The following INPP5A variants were observed in gnomAD, a reference collection of about 807,000 sequenced individuals.
INPP5A encodes the protein 43 kDa inositol polyphosphate 5-phophatase.
INPP5A carries 14 observed loss-of-function variants against 65.2 expected under a neutral mutation model. That is an observed-to-expected ratio of 0.21 (90% CI 0.14 to 0.34). The LOEUF (loss-of-function observed/expected upper bound fraction) is 0.34, where lower values mean the gene tolerates loss of function less well. Among genes scored for constraint, INPP5A ranks in the 10% least tolerant of loss-of-function variants. The pLI is 1.00. For synonymous variants in INPP5A, 207 were observed against 208.3 expected (o/e 0.99, Z 0.05); for missense variants, 431 against 545.6 (o/e 0.79, Z 2.09).
intron 4 of INPP5A, among the ~76,000 whole-genome samples, chr10:132,683,954 G>T (rs1365243402): frequency 6.6e-6 from 1 of 152,158 alleles, no homozygotes; most frequent in Non-Finnish European, 1.5e-5. Flanking sequence ...ACCTCAAGTG[G>T]TCGACCCACC....
At chr10:132,752,121 G>T (rs1204846391) in intron 11 of INPP5A, among the ~76,000 whole-genome samples, 1 of 151,706 alleles carries the variant, frequency 6.6e-6, no homozygotes, top group Non-Finnish European at 1.5e-5. Context: ...GTGCCCAGGA[G>T]GCGTCTGGGT....
At chr10:132,638,011 T>C (rs964354310) in intron 2 of INPP5A, among the ~76,000 whole-genome samples, 1 of 152,184 alleles carries the variant, frequency 6.6e-6, no homozygotes, top group African/African-American at 2.4e-5. Flanking sequence ...GTGTTGGTAT[T>C]GCAAAGTCCA....
At chr10:132,607,829 C>T (rs756561534) in intron 1 of INPP5A, 86 bp from the exon 2 acceptor site, 132 of 1,329,808 alleles carry the variant, frequency 9.9e-5, no homozygotes, top group Non-Finnish European at 1.3e-4. Flanking sequence ...TCCTGCCCCA[C>T]GTTGTCTTCA....
At chr10:132,735,323 C>T (rs772642073) in intron 9 of INPP5A, among the ~76,000 whole-genome samples, 3 of 152,226 alleles carry the variant, frequency 2.0e-5, no homozygotes, top group East Asian at 3.8e-4. Context: ...AGTAAGCATA[C>T]GCGGTTCTGA....
At chr10:132,557,722 C>CTTAA (rs1564915208) in intron 1 of INPP5A, among the ~76,000 whole-genome samples, 3 of 152,112 alleles carry the variant, frequency 2.0e-5, no homozygotes, top group Non-Finnish European at 4.4e-5. Flanking sequence ...AAAAGGGGCC[C>CTTAA]GAGTGTCTCG....
rs1241519120 is a variant in INPP5A at position 132,720,565 on chromosome 10, T to A, written c.648-6256T>A. 4.6e-5 allele frequency among the ~76,000 whole-genome samples: 7 copies of A among 151,048 alleles called. No individual in the cohort carries two copies. The East Asian group carries it at 1.4e-3, about 30-fold the overall frequency. On this transcript the variant is annotated intron_variant, in intron 8 of 15. Transcript: ENST00000368594. ...CCTTAGACGACTGTCTTCAGGGTTCTGTGGTACCTCGGTTCTGTCTGGGCA... is the reference window on the plus strand; with the variant it reads ...CCTTAGACGACTGTCTTCAGGGTTCAGTGGTACCTCGGTTCTGTCTGGGCA...
intron 2 of INPP5A, among the ~76,000 whole-genome samples, chr10:132,624,924 C>T (rs1048054046): frequency 6.6e-6 from 1 of 152,096 alleles, no homozygotes; most frequent in African/African-American, 2.4e-5. Flanking sequence ...TGTGGCATCG[C>T]ACCTGTCAGC....
intron 5 of INPP5A, among the ~76,000 whole-genome samples, chr10:132,694,296 T>A (rs1845313245): frequency 6.6e-6 from 1 of 151,948 alleles, no homozygotes; most frequent in African/African-American, 2.4e-5. Context: ...CAAAGAAGTC[T>A]CAAGAGAAAT....
intron 4 of INPP5A, among the ~76,000 whole-genome samples, chr10:132,655,590 G>T (rs2072645387): frequency 6.6e-6 from 1 of 152,226 alleles, no homozygotes; most frequent in Admixed American, 6.5e-5. Context: ...TTCCAAGAGG[G>T]TTCTGTGAGG....
At chr10:132,724,658 CA>C (rs535369732) in intron 8 of INPP5A, among the ~76,000 whole-genome samples, 43 of 151,318 alleles carry the variant, frequency 2.8e-4, no homozygotes, top group South Asian at 6.3e-4. Context: ...CCAGAACTCA[CA>C]GGGAGGCCCC....
At chr10:132,690,887 C>T (rs1228645340) in intron 5 of INPP5A, among the ~76,000 whole-genome samples, 1 of 152,208 alleles carries the variant, frequency 6.6e-6, no homozygotes, top group African/African-American at 2.4e-5. Context: ...TCCGCTGACA[C>T]AAGCTGTCCC....
intron 2 of INPP5A, among the ~76,000 whole-genome samples, chr10:132,612,088 A>T (rs1225526822): frequency 1.0e-3 from 49 of 47,688 alleles, no homozygotes; most frequent in East Asian, 3.0e-3. Context: ...CAGAGAGGGG[A>T]GAGGGAAGTG....
chr10:132,598,731 G>A (rs1235170584), intron 1 of INPP5A, among the ~76,000 whole-genome samples: 2 of 152,172 alleles, frequency 1.3e-5, no homozygotes, highest in African/African-American at 4.8e-5. Context: ...TCATTTTCAT[G>A]CTGCTGATAA....
At position 132,676,172 on chromosome 10, in the gene INPP5A, A is replaced by G. The variant is rs1448697136; in HGVS notation, c.307-14220A>G. On this transcript the variant is annotated intron_variant, in intron 4 of 15. Transcript: ENST00000368594. The surrounding 1 kb of genome is among the most constrained non-coding windows in gnomAD (Gnocchi z 4.0). The stretch of plus-strand genomic sequence containing the variant: ...ATTATTGAAATTTTCAATTTGTGAA[A>G]TATTTATTATTCAAAAAATAGCATC... Among the ~76,000 whole-genome samples the G allele has an allele frequency of 6.6e-6, 1 of 152,236 alleles. No homozygotes were observed. Among genetic ancestry groups the G allele is most frequent in the Non-Finnish European group, 1.5e-5 (1 of 68,038 alleles).
intron 4 of INPP5A, among the ~76,000 whole-genome samples, chr10:132,653,230 G>A (rs1477498202): frequency 1.3e-5 from 2 of 152,170 alleles, no homozygotes; most frequent in Non-Finnish European, 2.9e-5. Flanking sequence ...TTTTCCACAT[G>A]AGGGCGAAAG....
Position 132,704,808 on chromosome 10 carries a change from G to A in INPP5A, c.475-3505G>A, listed in dbSNP as rs12414484. 6.6e-6 allele frequency among the ~76,000 whole-genome samples: 1 copy of A among 151,508 alleles called. No homozygotes were observed. Among genetic ancestry groups the A allele is most frequent in the Non-Finnish European group, 1.5e-5 (1 of 67,902 alleles). On this transcript the variant is annotated intron_variant, in intron 6 of 15. Transcript: ENST00000368594. The surrounding 1 kb of genome is among the most constrained non-coding windows in gnomAD (Gnocchi z 4.5). Reference sequence around the variant, plus strand: ...TGTGGAGGATGGAGGAAGGGCGTCTGGACAGGCGGCAGGCAGCTCCTCTGG... The same window carrying A: ...TGTGGAGGATGGAGGAAGGGCGTCTAGACAGGCGGCAGGCAGCTCCTCTGG...
rs375954156 is a variant in INPP5A, at chr10:132,562,098, C to T, written c.75+23927C>T. ...GGAAGGGCCGAAGAGCCAGGCTTGG[C>T]GGCCTCCTGTGAAGAGGGGTGCATT... On this transcript the variant is annotated intron_variant, in intron 1 of 15. Coordinates refer to ENST00000368594, the MANE Select transcript of INPP5A (RefSeq NM_005539.5). 5.2e-5 allele frequency among the ~76,000 whole-genome samples: 8 copies of T among 152,396 alleles called. No individual in the cohort carries two copies. In the South Asian group the frequency reaches 1.4e-3, roughly 28 times the overall value.
chr10:132,746,007 C>T (rs1044789719), intron 9 of INPP5A, among the ~76,000 whole-genome samples: 3 of 152,172 alleles, frequency 2.0e-5, no homozygotes, highest in African/African-American at 7.2e-5. Context: ...CCCTGAGACG[C>T]CTTGGCAGGA....
At chr10:132,744,791 G>A (rs1026211660) in intron 9 of INPP5A, among the ~76,000 whole-genome samples, 4 of 152,186 alleles carry the variant, frequency 2.6e-5, no homozygotes, top group Non-Finnish European at 5.9e-5. Context: ...TCATGAGGCC[G>A]GGCTGTCCCT....
Sources: gnomAD v4.1 joint callset for allele counts (sites outside exome capture counted in the v4.1 genomes callset) on GRCh38, gnomAD v4.1.1 for gene constraint, Gnocchi (gnomAD v3.1) non-coding constraint, MANE v1.5 for transcripts, NCBI Gene and HGNC (gene_info 2026-07-23, HGNC 2026-07-21) for gene names.